MARVELD2: variants seen among roughly 807,000 people sequenced by gnomAD.
The protein encoded by MARVELD2 is MARVEL domain-containing protein 2.
In MARVELD2, 49 loss-of-function variants were observed where a neutral mutation model predicts 57.6. The observed-to-expected ratio is 0.85, with a 90% CI of 0.68 to 1.08. The LOEUF (loss-of-function observed/expected upper bound fraction) is 1.08, where lower values mean the gene tolerates loss of function less well. MARVELD2 is among the 50% of genes least tolerant of loss of function. The pLI, the probability that MARVELD2 is intolerant of heterozygous loss-of-function variation, is 0.00. For synonymous variants in MARVELD2, 238 were observed against 258.8 expected (o/e 0.92, Z 0.77); for missense variants, 606 against 701.1 (o/e 0.86, Z 1.53).
chr5:69,417,405 C>A (rs1444946939), intron 1 of MARVELD2, among the ~76,000 whole-genome samples: 2 of 152,204 alleles, frequency 1.3e-5, no homozygotes, highest in Non-Finnish European at 2.9e-5. Context: ...CACCAGTATA[C>A]TTTCAGCATG....
intron 2 of MARVELD2, among the ~76,000 whole-genome samples, chr5:69,422,236 A>G (rs1040402194): frequency 1.3e-5 from 2 of 152,242 alleles, no homozygotes; most frequent in East Asian, 3.8e-4. Context: ...AGCAATGTTC[A>G]GGGAACAAGG....
rs370628549 is a variant in MARVELD2, at chr5:69,420,345, C to G, written c.960C>G (p.Leu320=). The G allele has an allele frequency of 6.2e-7, 1 of 1,614,194 alleles. No individual in the cohort carries two copies. Among genetic ancestry groups the G allele is most frequent in the Non-Finnish European group, 8.5e-7 (1 of 1,180,046 alleles). The change falls in exon 2 of 7, where the codon CTC becomes CTG. Residue 320 remains leucine (L), a synonymous_variant. Transcript: ENST00000325631. ...TGAATGATACCAACCGAGGTGGCCTCTGCTACTATCCGTTATTTAATACAC... is the reference window on the plus strand; with the variant it reads ...TGAATGATACCAACCGAGGTGGCCTGTGCTACTATCCGTTATTTAATACAC... ...VYVNDTNRGG[L]CYYPLFNTPV...
In MARVELD2 at chr5:69,443,753, G is replaced by T. The variant is rs1053703098; in HGVS notation, c.*2099G>T. 1 of 152,042 alleles carries T rather than the reference G, an allele frequency of 6.6e-6. No homozygotes were observed. The highest frequency in any genetic ancestry group is 6.6e-5 in the Admixed American group (1 of 15,246). The allele number at this position is 152,042 out of a possible 1,614,324, so 9.4% of individuals were successfully genotyped here. A position where few individuals can be genotyped will look rare whatever the true frequency, so the allele number is the denominator to read the frequency against. ...TCTAAAGTGATAAAACCAAAGAAAA[G>T]CATGTGGAAAAGCAGAAGCTTAGAA... is the stretch of plus-strand genomic sequence containing the variant. On this transcript the variant is annotated 3_prime_UTR_variant, in exon 7 of 7. Coordinates refer to ENST00000325631, the MANE Select transcript of MARVELD2 (RefSeq NM_001038603.3).
chr5:69,441,675 A>AT lies in MARVELD2; in HGVS notation c.*28dup, dbSNP rs551484380. 4.4e-4 allele frequency: 662 copies of AT among 1,491,714 alleles called. 4 individuals are homozygous for AT. In the African/African-American group the frequency reaches 8.3e-3, roughly 19 times the overall value. 92.4% of individuals were successfully genotyped at this position (1,491,714 alleles called of 1,614,324 possible). On this transcript the variant is annotated 3_prime_UTR_variant, in exon 7 of 7. Transcript: ENST00000325631. ...CTTAACGCTTATTTGAAACCACTTT[A>AT]TTTTTTTATTTTATTTTATTTTTTT... is the stretch of plus-strand genomic sequence containing the variant.
chr5:69,430,095 C>A (rs558921303), intron 3 of MARVELD2, among the ~76,000 whole-genome samples: 55 of 152,096 alleles, frequency 3.6e-4, no homozygotes, highest in African/African-American at 1.3e-3. Context: ...TGGCCAGGCA[C>A]TGTGGCTCAT....
At chr5:69,438,149 A>T (rs1294829791) in intron 5 of MARVELD2, among the ~76,000 whole-genome samples, 2 of 152,198 alleles carry the variant, frequency 1.3e-5, no homozygotes, top group African/African-American at 4.8e-5. Context: ...GTTCTCCCAC[A>T]GACATGGTTG....
intron 3 of MARVELD2, among the ~76,000 whole-genome samples, chr5:69,430,981 G>A (rs932852464): frequency 1.3e-5 from 2 of 151,372 alleles, no homozygotes; most frequent in Non-Finnish European, 1.5e-5. Flanking sequence ...GGAGTGCAGT[G>A]GACCATTCAC....
rs143592561 is a variant in MARVELD2 at position 69,419,415 on chromosome 5, G to A, written c.30G>A (p.Arg10=). 983 of 1,613,992 alleles carry A rather than the reference G, an allele frequency of 6.1e-4. 3 individuals carry two copies. The highest frequency in any genetic ancestry group is 8.1e-4 in the Non-Finnish European group (951 of 1,180,044). The change falls in exon 2 of 7, where the codon CGG becomes CGA. Residue 10 remains arginine (R), a synonymous_variant. Coordinates refer to ENST00000325631, the MANE Select transcript of MARVELD2 (RefSeq NM_001038603.3). ...CAAATGATGGAAGATCCAGGAATCG[G>A]GACAGGCGCTACGATGAGGTCCCAA... is the stretch of plus-strand genomic sequence containing the variant. MSNDGRSRN[R]DRRYDEVPSD...
chr5:69,431,749 C>CATAT (rs2150925587), intron 3 of MARVELD2, among the ~76,000 whole-genome samples: 1 of 150,518 alleles, frequency 6.6e-6, no homozygotes, highest in Admixed American at 6.6e-5. Flanking sequence ...GACTATAAAA[C>CATAT]ATATAATTGT....
chr5:69,424,514 G>C, intron 2 of MARVELD2, 87 bp from the exon 3 acceptor site: 2 of 1,098,576 alleles, frequency 1.8e-6, no homozygotes, highest in Middle Eastern at 1.9e-4. Context: ...TAAAATTGAG[G>C]TTGGGCTATA....
At chr5:69,441,481 T>A in intron 6 of MARVELD2, 51 bp from the exon 7 acceptor site, 1 of 1,596,252 alleles carries the variant, frequency 6.3e-7, no homozygotes, top group Non-Finnish European at 8.6e-7. Context: ...GTTTCTGTGT[T>A]TTTCACTGAG....
intron 2 of MARVELD2, among the ~76,000 whole-genome samples, chr5:69,422,014 A>C (rs1027699754): frequency 2.0e-5 from 3 of 152,102 alleles, no homozygotes; most frequent in Non-Finnish European, 2.9e-5. Context: ...AATTGTGAAG[A>C]TTTCATGGAC....
At chr5:69,435,927 T>A in intron 5 of MARVELD2, among the ~76,000 whole-genome samples, 1 of 152,148 alleles carries the variant, frequency 6.6e-6, no homozygotes, top group East Asian at 1.9e-4. Context: ...TTTTGCATAA[T>A]GTTTTCAAGG....
chr5:69,421,760 C>A (rs1766633346), intron 2 of MARVELD2, among the ~76,000 whole-genome samples: 1 of 150,880 alleles, frequency 6.6e-6, no homozygotes. Context: ...CCATGCCTGG[C>A]CCGTTTTTTG....
intron 3 of MARVELD2, 137 bp downstream of exon 3, chr5:69,424,773 C>G (rs1444975410): frequency 8.4e-6 from 6 of 717,016 alleles, no homozygotes; most frequent in Non-Finnish European, 1.2e-5. Flanking sequence ...ACCTGTAATC[C>G]CAGCACTTTG....
intron 3 of MARVELD2, among the ~76,000 whole-genome samples, chr5:69,427,651 C>T (rs1025471935): frequency 6.6e-6 from 1 of 152,188 alleles, no homozygotes; most frequent in African/African-American, 2.4e-5. Context: ...AAGCAAAGAA[C>T]GGTCATGTTA....
Position 69,418,578 on chromosome 5 carries a change from A to G in MARVELD2, c.-15-793A>G, listed in dbSNP as rs1051084586. On this transcript the variant is annotated intron_variant, in intron 1 of 6. Coordinates refer to ENST00000325631, the MANE Select transcript of MARVELD2 (RefSeq NM_001038603.3). ...AGCCTTTGGTGATGTTGTCTCTGAG[A>G]TTCAACTTTTTTACATCTAGTTTCA... 2.0e-5 allele frequency among the ~76,000 whole-genome samples: 3 copies of G among 152,118 alleles called. No individual in the cohort carries two copies. The South Asian group carries it at 6.2e-4, about 32-fold the overall frequency.
At chr5:69,440,572 T>A in intron 6 of MARVELD2, 72 bp downstream of exon 6, 1 of 899,842 alleles carries the variant, frequency 1.1e-6, no homozygotes, top group Non-Finnish European at 1.8e-6. Context: ...GACTCTAGAT[T>A]CTGTTAGCTA....
At chr5:69,433,367 G>T (rs1767031695) in intron 5 of MARVELD2, among the ~76,000 whole-genome samples, 1 of 151,326 alleles carries the variant, frequency 6.6e-6, no homozygotes, top group South Asian at 2.1e-4. Flanking sequence ...GTTTTGCCAT[G>T]TTGGCCAAGA....
Sources: allele counts gnomAD v4.1 joint callset (sites outside exome capture counted in the v4.1 genomes callset), GRCh38; gene constraint gnomAD v4.1.1; transcripts MANE v1.5; gene names NCBI Gene and HGNC (gene_info 2026-07-23, HGNC 2026-07-21).